SPTLC2: variants seen among roughly 807,000 people sequenced by gnomAD.
The protein encoded by SPTLC2 is serine palmitoyltransferase long chain base subunit 2, also known as serine palmitoyltransferase 2.
SPTLC2 carries 21 observed loss-of-function variants against 62.0 expected under a neutral mutation model. The ratio of observed to expected loss-of-function variants is 0.34; its 90% CI spans 0.24 to 0.49. SPTLC2 has a LOEUF of 0.49. SPTLC2 is among the 20% of genes least tolerant of loss of function. The pLI, the probability that SPTLC2 is intolerant of heterozygous loss-of-function variation, is 0.99. For missense variants in SPTLC2, 511 were observed against 713.0 expected (o/e 0.72, Z 3.23); for synonymous variants, 261 against 261.8 (o/e 1.00, Z 0.03).
chr14:77,591,344 G>GTGAC (rs1595009571), intron 2 of SPTLC2, among the ~76,000 whole-genome samples: 1 of 152,218 alleles, frequency 6.6e-6, no homozygotes, highest in African/African-American at 2.4e-5. Context: ...TGAGGAAGGA[G>GTGAC]TGACTGCTAA....
chr14:77,587,792 C>A (rs1017211808), intron 2 of SPTLC2, among the ~76,000 whole-genome samples: 1 of 102,762 alleles, frequency 9.7e-6, no homozygotes, highest in Non-Finnish European at 2.2e-5. Flanking sequence ...ATAATAATAA[C>A]TAATGCTGTT....
At chr14:77,581,653 C>T (rs1039692287) in intron 2 of SPTLC2, among the ~76,000 whole-genome samples, 1 of 151,890 alleles carries the variant, frequency 6.6e-6, no homozygotes, top group Non-Finnish European at 1.5e-5. Context: ...CTCAGGCGAT[C>T]CACCCACCTC....
At chr14:77,570,342 G>A (rs567230916) in intron 5 of SPTLC2, 42 bp downstream of exon 5, 60 of 1,604,868 alleles carry the variant, frequency 3.7e-5, no homozygotes, top group Admixed American at 5.0e-5. Context: ...AACAAAAGAA[G>A]ATATACATGA....
intron 11 of SPTLC2, among the ~76,000 whole-genome samples, chr14:77,515,220 T>C (rs1468473211): frequency 6.6e-6 from 1 of 152,224 alleles, no homozygotes; most frequent in African/African-American, 2.4e-5. Flanking sequence ...CCTCCCACTT[T>C]GCTTTTCCTT....
chr14:77,597,313 G>C lies in SPTLC2; in HGVS notation c.200C>G (p.Pro67Arg). 6.2e-7 allele frequency: 1 copy of C among 1,614,070 alleles called. No individual in the cohort carries two copies. The highest frequency in any genetic ancestry group is 1.1e-5 in the South Asian group (1 of 91,072). The change falls in exon 2 of 12, where the codon CCA (proline) becomes CGA (arginine). Residue 67 changes from proline to arginine, a missense_variant. Pro to Arg is a moderately radical substitution (Grantham distance 103). Transcript: ENST00000216484. The stretch of plus-strand genomic sequence containing the variant: ...ATACGTGAGCACAGCAACCAGCATT[G>C]GTGTTTCTTCAAAAGCTTCATTAAA... ...RPFNEAFEET[P>R]MLVAVLTYVG...
At chr14:77,558,371 T>C (rs2079596657) in intron 6 of SPTLC2, among the ~76,000 whole-genome samples, 1 of 152,154 alleles carries the variant, frequency 6.6e-6, no homozygotes, top group Non-Finnish European at 1.5e-5. Flanking sequence ...TTTTGTATTC[T>C]GTATTGCTTG....
chr14:77,580,788 G>A (rs192854432), intron 2 of SPTLC2, among the ~76,000 whole-genome samples: 8 of 151,934 alleles, frequency 5.3e-5, no homozygotes, highest in African/African-American at 7.2e-5. Context: ...AGGCTAAGGC[G>A]GGAAGATCAC....
At chr14:77,531,544 GC>G (rs1197827788) in intron 9 of SPTLC2, among the ~76,000 whole-genome samples, 1 of 123,970 alleles carries the variant, frequency 8.1e-6, no homozygotes, top group Non-Finnish European at 1.6e-5. Flanking sequence ...ATGGAGTTTT[GC>G]TTTTGTTGCC....
chr14:77,575,531 G>A (rs747850887), intron 4 of SPTLC2, among the ~76,000 whole-genome samples: 5 of 152,014 alleles, frequency 3.3e-5, no homozygotes, highest in Admixed American at 6.6e-5. Context: ...TTTCAACTGG[G>A]TATCCTTGTT....
At chr14:77,531,504 CTCCTCT>C (rs2079440497) in intron 9 of SPTLC2, among the ~76,000 whole-genome samples, 3 of 76,362 alleles carry the variant, frequency 3.9e-5, no homozygotes, top group African/African-American at 5.8e-5. Flanking sequence ...CCTCCTCCTC[CTCCTCT>C]TCTTCTTCTT....
At chr14:77,539,483 C>CTTT (rs71128638) in intron 9 of SPTLC2, among the ~76,000 whole-genome samples, 1,955 of 53,486 alleles carry the variant, frequency 0.037, 176 homozygotes, top group African/African-American at 0.054. Flanking sequence ...TCTTAAGAGG[C>CTTT]TTTTTTTTTT....
chr14:77,597,050 G>A, intron 2 of SPTLC2, 136 bp downstream of exon 2: 1 of 825,252 alleles, frequency 1.2e-6, no homozygotes, highest in Non-Finnish European at 1.9e-6. Flanking sequence ...TTTGTAGAAT[G>A]TTTTCATTTA....
rs376212304 is a variant in SPTLC2 at position 77,527,907 on chromosome 14, G to A, written c.1304-6326C>T. ...TAATATGATTTCCAGTTTAGCTGATGAGCTTTTATACAACTTATACCATAA... is the reference window on the plus strand; with the variant it reads ...TAATATGATTTCCAGTTTAGCTGATAAGCTTTTATACAACTTATACCATAA... On this transcript the variant is annotated intron_variant, in intron 9 of 11. Coordinates refer to ENST00000216484, the MANE Select transcript of SPTLC2 (RefSeq NM_004863.4). Among the ~76,000 whole-genome samples the A allele has an allele frequency of 3.9e-5, 6 of 152,338 alleles. No individual in the cohort carries two copies. In the East Asian group the frequency reaches 1.2e-3, roughly 29 times the overall value.
At chr14:77,558,629 T>TG (rs985451452) in intron 6 of SPTLC2, among the ~76,000 whole-genome samples, 79 of 150,976 alleles carry the variant, frequency 5.2e-4, no homozygotes, top group African/African-American at 1.9e-3. Flanking sequence ...TTTTTTTGTT[T>TG]TTTTTTTTTT....
intron 1 of SPTLC2, among the ~76,000 whole-genome samples, chr14:77,603,341 T>C (rs1473913687): frequency 1.3e-5 from 2 of 152,246 alleles, no homozygotes; most frequent in Non-Finnish European, 2.9e-5. Flanking sequence ...GCTTTGTCCA[T>C]TAAACGAACC....
intron 8 of SPTLC2, among the ~76,000 whole-genome samples, chr14:77,553,729 CAAAAA>C (rs34500527): frequency 3.1e-5 from 3 of 96,562 alleles, no homozygotes; most frequent in African/African-American, 8.2e-5. Flanking sequence ...GGCTTGGTCT[CAAAAA>C]AAAAAAAAAA....
At chr14:77,556,299 C>T (rs1388343293) in intron 7 of SPTLC2, among the ~76,000 whole-genome samples, 2 of 150,818 alleles carry the variant, frequency 1.3e-5, no homozygotes, top group South Asian at 2.1e-4. Flanking sequence ...GGTGACACAG[C>T]GAGATTCCAT....
At position 77,541,939 on chromosome 14, in the gene SPTLC2, C is replaced by G. The variant is rs1034244957; in HGVS notation, c.1303+10157G>C. On this transcript the variant is annotated intron_variant, in intron 9 of 11. Coordinates refer to ENST00000216484, the MANE Select transcript of SPTLC2 (RefSeq NM_004863.4). ...AGGCATAGTGGCACGCGCCTGTAGT[C>G]CCAGCTACTCAGGAGGCTGAGGCAT... 2.6e-5 allele frequency among the ~76,000 whole-genome samples: 4 copies of G among 152,076 alleles called. No individual in the cohort carries two copies. In the East Asian group the frequency reaches 7.7e-4, roughly 29 times the overall value.
At chr14:77,539,728 G>T (rs925322340) in intron 9 of SPTLC2, among the ~76,000 whole-genome samples, 5 of 151,902 alleles carry the variant, frequency 3.3e-5, no homozygotes, top group African/African-American at 1.2e-4. Context: ...AACCTCAAGT[G>T]ATCTGCCAGT....
Sources: gnomAD v4.1 joint callset for allele counts (sites outside exome capture counted in the v4.1 genomes callset) on GRCh38, gnomAD v4.1.1 for gene constraint, MANE v1.5 for transcripts, NCBI Gene and HGNC (gene_info 2026-07-23, HGNC 2026-07-21) for gene names.